Variants in RTL4 observed in about 807,000 individuals in gnomAD.
RTL4 encodes retrotransposon Gag like 4, also known as retrotransposon Gag-like protein 4.
Under a neutral mutation model 5.3 loss-of-function variants are expected in RTL4, and 4 were observed. The observed-to-expected ratio is 0.75, with a 90% CI of 0.37 to 1.72. RTL4 has a LOEUF of 1.72. Among genes scored for constraint, RTL4 ranks in the 40% most tolerant of loss-of-function variants. RTL4 has a pLI of 0.04. For missense variants in RTL4, 260 were observed against 227.1 expected (o/e 1.14, Z -0.93); for synonymous variants, 98 against 87.3 (o/e 1.12, Z -0.68).
the RTL4 span, among the ~76,000 whole-genome samples, chrX:112,122,906 G>A: frequency 1.8e-5 from 2 of 110,566 alleles, no homozygotes; most frequent in East Asian, 2.8e-4. Context: ...AATATCTATT[G>A]TAATTTTAAT....
the RTL4 span, among the ~76,000 whole-genome samples, chrX:112,429,335 T>C: frequency 9.0e-6 from 1 of 111,460 alleles, no homozygotes; most frequent in Non-Finnish European, 1.9e-5. Context: ...TTATAATTTT[T>C]ACCCTTTTAT....
the RTL4 span, among the ~76,000 whole-genome samples, chrX:112,155,795 T>A: frequency 8.9e-6 from 1 of 111,996 alleles, no homozygotes; most frequent in South Asian, 3.7e-4. Context: ...TTCTTATTGC[T>A]TTTATGGAGG....
chrX:112,176,424 T>A, the RTL4 span, among the ~76,000 whole-genome samples: 1 of 111,769 alleles, frequency 8.9e-6, no homozygotes, highest in Non-Finnish European at 1.9e-5. Flanking sequence ...GGTTTAGTGA[T>A]CTCCCCTTAA....
the RTL4 span, among the ~76,000 whole-genome samples, chrX:112,417,734 C>T: frequency 1.8e-5 from 2 of 111,288 alleles, no homozygotes; most frequent in Non-Finnish European, 3.8e-5. Flanking sequence ...AGTCTGTGAT[C>T]TCTGCTCTAG....
chrX:112,180,264 C>A, the RTL4 span, among the ~76,000 whole-genome samples: 5 of 111,346 alleles, frequency 4.5e-5, no homozygotes, highest in East Asian at 2.8e-4. Context: ...GCTCTGGAGG[C>A]TCGACATCTA....
At chrX:112,083,507 A>G in the RTL4 span, among the ~76,000 whole-genome samples, 7 of 112,013 alleles carry the variant, frequency 6.2e-5, no homozygotes, top group East Asian at 2.0e-3. Flanking sequence ...GATCCCTGAT[A>G]GATCTAGATT....
the RTL4 span, among the ~76,000 whole-genome samples, chrX:112,408,318 A>G: frequency 9.1e-6 from 1 of 110,438 alleles, no homozygotes; most frequent in Non-Finnish European, 1.9e-5. Context: ...AATAATTAAA[A>G]AAGAGTCAAA....
the RTL4 span, chrX:112,381,874 C>G: frequency 1.7e-5 from 21 of 1,206,116 alleles, no homozygotes; most frequent in African/African-American, 3.5e-4. Flanking sequence ...GCGAGCCAGA[C>G]AAGAGGCTAT....
the RTL4 span, among the ~76,000 whole-genome samples, chrX:112,083,521 C>T: frequency 1.6e-4 from 18 of 111,626 alleles, no homozygotes; most frequent in Non-Finnish European, 1.7e-4. Context: ...CTAGATTAAT[C>T]TAGTTGGAGC....
At chrX:112,406,396 T>G in the RTL4 span, among the ~76,000 whole-genome samples, 2 of 110,854 alleles carry the variant, frequency 1.8e-5, no homozygotes, top group Non-Finnish European at 3.8e-5. Context: ...GCACTTCACA[T>G]GGCCAGAGCA....
At chrX:112,453,197 T>A (rs1926773419), upstream of RTL4, among the ~76,000 whole-genome samples, 1 of 111,201 alleles carries the variant, frequency 9.0e-6, no homozygotes, top group African/African-American at 3.3e-5. Context: ...CTAGAGAAAA[T>A]GAGCCATCAA....
At chrX:112,386,858 G>A in the RTL4 span, among the ~76,000 whole-genome samples, 2 of 111,203 alleles carry the variant, frequency 1.8e-5, no homozygotes, top group East Asian at 2.8e-4. Flanking sequence ...TTATTTTCCT[G>A]TGGGTAGATA....
At chrX:112,130,394 C>T in the RTL4 span, among the ~76,000 whole-genome samples, 55 of 109,510 alleles carry the variant, frequency 5.0e-4, no homozygotes, top group African/African-American at 1.8e-3. Flanking sequence ...TGCCAGCTTG[C>T]GAGGTGGGTA....
chrX:112,160,514 T>C, the RTL4 span, among the ~76,000 whole-genome samples: 1 of 112,202 alleles, frequency 8.9e-6, no homozygotes, highest in Admixed American at 9.5e-5. Context: ...CAAAAGCGTA[T>C]ATATGTGCAG....
At chrX:112,238,643 CT>C in the RTL4 span, among the ~76,000 whole-genome samples, 1 of 111,506 alleles carries the variant, frequency 9.0e-6, no homozygotes. Flanking sequence ...AGAAAGCAGA[CT>C]GCCTTAGGGA....
the RTL4 span, among the ~76,000 whole-genome samples, chrX:112,212,109 G>A: frequency 1.8e-5 from 2 of 112,663 alleles, no homozygotes; most frequent in Non-Finnish European, 3.8e-5. Context: ...GGGCGCGGTG[G>A]CTCACGCCTG....
the RTL4 span, among the ~76,000 whole-genome samples, chrX:112,295,776 C>G: frequency 8.9e-6 from 1 of 112,470 alleles, no homozygotes; most frequent in Admixed American, 9.4e-5. Context: ...TCATCAAGCA[C>G]TCTGAGTACA....
At chrX:112,305,608 C>A in the RTL4 span, among the ~76,000 whole-genome samples, 2 of 111,158 alleles carry the variant, frequency 1.8e-5, no homozygotes, top group Admixed American at 9.6e-5. Flanking sequence ...AGGTGATCTG[C>A]CCGTCTCGGC....
chrX:112,374,762 C>T, the RTL4 span, among the ~76,000 whole-genome samples: 3 of 111,850 alleles, frequency 2.7e-5, no homozygotes, highest in African/African-American at 9.7e-5. Context: ...CTCTCTCTTC[C>T]TTCAAAACTG....
Sources: gnomAD v4.1 joint callset for allele counts (sites outside exome capture counted in the v4.1 genomes callset) on GRCh38, gnomAD v4.1.1 for gene constraint, MANE v1.5 for transcripts, NCBI Gene and HGNC (gene_info 2026-07-23, HGNC 2026-07-21) for gene names.